Variants in TBC1D22A observed in about 807,000 individuals in gnomAD.
TBC1D22A encodes putative GTPase activator.
In TBC1D22A, 38 loss-of-function variants were observed where a neutral mutation model predicts 60.2. The observed-to-expected ratio is 0.63, with a 90% confidence interval of 0.49 to 0.83. TBC1D22A has a LOEUF of 0.83. Among genes scored for constraint, TBC1D22A ranks in the 40% least tolerant of loss-of-function variants. The pLI is 0.00. For synonymous variants in TBC1D22A, 302 were observed against 281.7 expected (o/e 1.07, Z -0.72); for missense variants, 628 against 701.0 (o/e 0.90, Z 1.18).
At chr22:47,091,430 G>C (rs565635104) in intron 11 of TBC1D22A, among the ~76,000 whole-genome samples, 652 of 148,950 alleles carry the variant, frequency 4.4e-3, no homozygotes, top group African/African-American at 0.015. Flanking sequence ...CCTCGCGGAG[G>C]GGGTGGCTGC....
At chr22:46,764,251 T>G (rs1356742083) in intron 1 of TBC1D22A, 1 of 152,242 alleles carries the variant, frequency 6.6e-6, no homozygotes, top group Admixed American at 6.5e-5. Context: ...TCGAGAACAG[T>G]AAGACCTTTC....
intron 12 of TBC1D22A, among the ~76,000 whole-genome samples, chr22:47,156,678 G>A (rs2067731562): frequency 1.3e-5 from 2 of 152,094 alleles, no homozygotes; most frequent in South Asian, 4.1e-4. Flanking sequence ...TCCTGGGGGT[G>A]TCCCTCTCTA....
At chr22:46,809,354 C>T (rs1285921600) in intron 4 of TBC1D22A, among the ~76,000 whole-genome samples, 1 of 152,148 alleles carries the variant, frequency 6.6e-6, no homozygotes, top group Non-Finnish European at 1.5e-5. Context: ...GGCTCAGGGC[C>T]CCACCCTCAT....
At chr22:47,041,418 A>T (rs894351209) in intron 11 of TBC1D22A, among the ~76,000 whole-genome samples, 6 of 152,114 alleles carry the variant, frequency 3.9e-5, no homozygotes, top group Non-Finnish European at 7.4e-5. Context: ...ACTCCTGCTG[A>T]GGGCGCGTCC....
chr22:47,139,428 G>T (rs2066997770), intron 12 of TBC1D22A, among the ~76,000 whole-genome samples: 1 of 152,248 alleles, frequency 6.6e-6, no homozygotes. Flanking sequence ...AGGGCTCCCT[G>T]CTGGGTAGGC....
At chr22:47,027,942 G>A (rs912439878) in intron 10 of TBC1D22A, among the ~76,000 whole-genome samples, 1 of 152,174 alleles carries the variant, frequency 6.6e-6, no homozygotes, top group Admixed American at 6.5e-5. Flanking sequence ...CCTGGCCGTG[G>A]AGCACAGTCA....
chr22:47,129,049 A>C (rs1023015360), intron 12 of TBC1D22A, among the ~76,000 whole-genome samples: 7 of 152,232 alleles, frequency 4.6e-5, no homozygotes, highest in African/African-American at 1.7e-4. Context: ...GCCGTTTATC[A>C]TGGTGAGTGC....
chr22:47,004,940 C>A (rs1362088916), intron 10 of TBC1D22A, among the ~76,000 whole-genome samples: 1 of 151,786 alleles, frequency 6.6e-6, no homozygotes, highest in Non-Finnish European at 1.5e-5. Context: ...ATACATATCC[C>A]TATATACACA....
At chr22:46,778,395 A>G (rs1249721454) in intron 1 of TBC1D22A, among the ~76,000 whole-genome samples, 2 of 152,176 alleles carry the variant, frequency 1.3e-5, no homozygotes, top group Non-Finnish European at 2.9e-5. Flanking sequence ...GTACAGCTGC[A>G]CCAAGATATT....
chr22:47,117,372 G>A (rs1286409254), intron 12 of TBC1D22A, among the ~76,000 whole-genome samples: 10 of 68,862 alleles, frequency 1.5e-4, no homozygotes, highest in Non-Finnish European at 2.6e-4. Flanking sequence ...ACCCCACACC[G>A]TGGCATCGAG....
At chr22:46,926,462 A>G (rs1385241589) in intron 8 of TBC1D22A, among the ~76,000 whole-genome samples, 1 of 152,248 alleles carries the variant, frequency 6.6e-6, no homozygotes, top group East Asian at 1.9e-4. Flanking sequence ...GAAACAGAGA[A>G]ACTCCTAGAA....
At chr22:47,071,194 GTA>G (rs2063972790) in intron 11 of TBC1D22A, among the ~76,000 whole-genome samples, 1 of 152,202 alleles carries the variant, frequency 6.6e-6, no homozygotes, top group Admixed American at 6.5e-5. Flanking sequence ...TAATTTCCAC[GTA>G]TTAAGAGCCC....
chr22:46,826,720 G>T (rs1442682191), intron 4 of TBC1D22A, among the ~76,000 whole-genome samples: 1 of 152,158 alleles, frequency 6.6e-6, no homozygotes, highest in Non-Finnish European at 1.5e-5. Flanking sequence ...GTCCTACAAA[G>T]TGAAGTGTTG....
intron 5 of TBC1D22A, among the ~76,000 whole-genome samples, chr22:46,886,693 G>A (rs73184520): frequency 0.012 from 1,793 of 152,308 alleles, 17 homozygotes; most frequent in Non-Finnish European, 0.016. Flanking sequence ...ATAGAAATGC[G>A]TATGATGGAA....
At chr22:47,045,471 T>C (rs1237103638) in intron 11 of TBC1D22A, among the ~76,000 whole-genome samples, 2 of 152,228 alleles carry the variant, frequency 1.3e-5, no homozygotes, top group Admixed American at 6.5e-5. Flanking sequence ...ATAAATTTCC[T>C]TGTACTTGCT....
At chr22:46,802,301 G>A (rs143693250) in intron 4 of TBC1D22A, among the ~76,000 whole-genome samples, 1,578 of 152,316 alleles carry the variant, frequency 0.01, 26 homozygotes, top group African/African-American at 0.036. Flanking sequence ...CAGTACCCCC[G>A]CAACCATCAG....
In TBC1D22A at chr22:47,174,235, G is replaced by C. The variant is rs1466498048; in HGVS notation, c.*609G>C. ...GAAGCTGAAGGCTGGAGTCCAAGCCGTGAGCCCGCCGAGTGCCTGGGAGGC... is the reference window on the plus strand; with the variant it reads ...GAAGCTGAAGGCTGGAGTCCAAGCCCTGAGCCCGCCGAGTGCCTGGGAGGC... On this transcript the variant is annotated 3_prime_UTR_variant, in exon 13 of 13. Transcript: ENST00000337137. 6.6e-6 allele frequency: 1 copy of C among 152,644 alleles called. No homozygotes were observed. The highest frequency in any genetic ancestry group is 2.4e-5 in the African/African-American group (1 of 41,460). 9.5% of individuals were successfully genotyped at this position (152,644 alleles called of 1,614,324 possible).
At chr22:46,897,559 G>A (rs1411880404) in intron 7 of TBC1D22A, among the ~76,000 whole-genome samples, 5 of 152,062 alleles carry the variant, frequency 3.3e-5, no homozygotes. Context: ...GCAGAAGAGG[G>A]GTGGATTGTG....
intron 1 of TBC1D22A, among the ~76,000 whole-genome samples, chr22:46,782,887 G>C (rs1395742377): frequency 6.6e-6 from 1 of 152,132 alleles, no homozygotes; most frequent in East Asian, 1.9e-4. Flanking sequence ...GTGGACATTT[G>C]CCTTCATTCT....
Sources: gnomAD v4.1 joint callset for allele counts (sites outside exome capture counted in the v4.1 genomes callset) on GRCh38, gnomAD v4.1.1 for gene constraint, MANE v1.5 for transcripts, NCBI Gene and HGNC (gene_info 2026-07-23, HGNC 2026-07-21) for gene names.